PREX2: variants seen among roughly 807,000 people sequenced by gnomAD.
PREX2 encodes phosphatidylinositol 3,4,5-trisphosphate-dependent Rac exchanger 2 protein.
Under a neutral mutation model 203.2 loss-of-function variants are expected in PREX2, and 107 were observed. The ratio of observed to expected loss-of-function variants is 0.53; its 90% CI spans 0.45 to 0.62. The LOEUF is 0.62. Among genes scored for constraint, PREX2 ranks in the 20% least tolerant of loss-of-function variants. The pLI, the probability that PREX2 is intolerant of heterozygous loss-of-function variation, is 0.00. For missense variants in PREX2, 1,777 were observed against 1,955.9 expected (o/e 0.91, Z 1.72); for synonymous variants, 672 against 663.6 (o/e 1.01, Z -0.19).
chr8:68,222,280 T>C (rs1261531801), intron 38 of PREX2, among the ~76,000 whole-genome samples: 2 of 152,054 alleles, frequency 1.3e-5, no homozygotes, highest in Non-Finnish European at 2.9e-5. Context: ...CCTTGGAGAA[T>C]TGGTAAATTA....
chr8:68,018,983 A>G (rs1042624266), intron 2 of PREX2, among the ~76,000 whole-genome samples: 12 of 152,188 alleles, frequency 7.9e-5, no homozygotes, highest in African/African-American at 2.7e-4. Context: ...TCTTACTGAA[A>G]TTGAATTGAA....
chr8:68,075,179 G>A (rs1809309799), intron 14 of PREX2, among the ~76,000 whole-genome samples: 1 of 152,128 alleles, frequency 6.6e-6, no homozygotes, highest in Admixed American at 6.5e-5. Flanking sequence ...GGCACAAGGA[G>A]GATTTTAAAA....
chr8:67,985,628 T>G (rs1034133758), intron 1 of PREX2, among the ~76,000 whole-genome samples: 1 of 152,166 alleles, frequency 6.6e-6, no homozygotes, highest in Admixed American at 6.5e-5. Context: ...CTCTCATTGT[T>G]AAGTAGGGCA....
intron 6 of PREX2, among the ~76,000 whole-genome samples, chr8:68,036,759 G>A (rs985393905): frequency 1.3e-5 from 2 of 151,868 alleles, no homozygotes; most frequent in Non-Finnish European, 2.9e-5. Flanking sequence ...CTGCCTGACC[G>A]ACATGGAGAA....
intron 1 of PREX2, among the ~76,000 whole-genome samples, chr8:67,997,159 G>C (rs921608470): frequency 1.1e-4 from 17 of 151,990 alleles, no homozygotes; most frequent in Non-Finnish European, 2.2e-4. Flanking sequence ...CATTACTTTT[G>C]ATGGGAAAAA....
chr8:68,074,261 A>G (rs181902713), intron 14 of PREX2, among the ~76,000 whole-genome samples: 1 of 152,174 alleles, frequency 6.6e-6, no homozygotes, highest in Non-Finnish European at 1.5e-5. Context: ...TACCACGCCC[A>G]GCCGCAATTT....
In PREX2 at chr8:67,964,906, A is replaced by G. The variant is rs116760005; in HGVS notation, c.141+12371A>G. Among the ~76,000 whole-genome samples the G allele has an allele frequency of 6.2e-3, 937 of 152,262 alleles. 9 individuals are homozygous for G. The highest frequency in any genetic ancestry group is 0.022 in the African/African-American group (905 of 41,544). ...GGATTCTGAAAAGATCCACTGCAAAAGTTATATAGCTCTTCCAAGATGTTC... is the reference window on the plus strand; with the variant it reads ...GGATTCTGAAAAGATCCACTGCAAAGGTTATATAGCTCTTCCAAGATGTTC... On this transcript the variant is annotated intron_variant, in intron 1 of 39. Transcript: ENST00000288368.
chr8:67,977,653 G>C (rs1171798525), intron 1 of PREX2, among the ~76,000 whole-genome samples: 1 of 152,056 alleles, frequency 6.6e-6, no homozygotes, highest in African/African-American at 2.4e-5. Flanking sequence ...TAGAGGGTTG[G>C]GACTTTTCAG....
At chr8:68,096,881 G>T (rs922298546) in intron 21 of PREX2, 136 bp from the exon 22 acceptor site, 7 of 697,642 alleles carry the variant, frequency 1.0e-5, no homozygotes, top group Non-Finnish European at 1.4e-5. Context: ...AACAAGAATA[G>T]ATGCTTCATT....
chr8:68,228,618 T>C (rs1813098553), intron 39 of PREX2, among the ~76,000 whole-genome samples: 1 of 151,498 alleles, frequency 6.6e-6, no homozygotes, highest in African/African-American at 2.4e-5. Flanking sequence ...AAAAAAAAAT[T>C]AGCTGGGCAT....
chr8:68,120,225 G>T lies in PREX2; in HGVS notation c.3534G>T (p.Gly1178=), dbSNP rs150704622. The T allele has an allele frequency of 5.0e-6, 8 of 1,613,520 alleles. No homozygotes were observed. The Admixed American group carries it at 1.2e-4, about 24-fold the overall frequency. ...QVDSITNLLK[G]QAVVRAFDQT... ...ATTCAATTACCAATCTCCTAAAAGG[G>T]CAGGCTGTTGTGAGGGCCTTTGACC... The change falls in exon 29 of 40, where the codon GGG becomes GGT. Residue 1178 remains glycine (G), a synonymous_variant. Coordinates refer to ENST00000288368, the MANE Select transcript of PREX2 (RefSeq NM_024870.4).
At chr8:68,216,268 C>A (rs1027065349) in intron 37 of PREX2, among the ~76,000 whole-genome samples, 2 of 152,184 alleles carry the variant, frequency 1.3e-5, no homozygotes, top group African/African-American at 4.8e-5. Context: ...TGTGTTACAG[C>A]CACATAGCTA....
intron 35 of PREX2, among the ~76,000 whole-genome samples, chr8:68,168,931 C>G (rs1232387113): frequency 6.7e-6 from 1 of 149,314 alleles, no homozygotes; most frequent in African/African-American, 2.5e-5. Context: ...TAACTTACAA[C>G]AAACTCTTTA....
At chr8:67,995,543 C>T (rs377305487) in intron 1 of PREX2, among the ~76,000 whole-genome samples, 3 of 152,080 alleles carry the variant, frequency 2.0e-5, no homozygotes, top group Admixed American at 6.6e-5. Context: ...ACTATATTTA[C>T]GTTGAAAACT....
chr8:68,187,663 T>C (rs62522700), intron 35 of PREX2, among the ~76,000 whole-genome samples: 44 of 152,330 alleles, frequency 2.9e-4, no homozygotes, highest in Admixed American at 5.9e-4. Context: ...CCAAGTTTAC[T>C]TGAGAAAAGG....
rs78059728 is a variant in PREX2 at position 68,069,142 on chromosome 8, G to A, written c.1443+6G>A. Reference sequence around the variant, plus strand: ...TGCAGGACGTGATTTCAAAGGTAACGACCTCTCCCACAACCTCTCCAATAG... The same window carrying A: ...TGCAGGACGTGATTTCAAAGGTAACAACCTCTCCCACAACCTCTCCAATAG... On this transcript the variant is annotated splice_donor_region_variant and intron_variant, in intron 12 of 39. Transcript: ENST00000288368. 336 of 1,409,606 alleles carry A rather than the reference G, an allele frequency of 2.4e-4. 1 individual carries two copies. The East Asian group carries it at 5.9e-3, about 25-fold the overall frequency. The allele number at this position is 1,409,606 out of a possible 1,614,324, so 87.3% of individuals were successfully genotyped here.
intron 6 of PREX2, among the ~76,000 whole-genome samples, chr8:68,036,116 T>A (rs1041144240): frequency 6.6e-6 from 1 of 152,186 alleles, no homozygotes; most frequent in Non-Finnish European, 1.5e-5. Context: ...ATAGAATAGG[T>A]CTGTATATTA....
rs117197519 is a variant in PREX2, at chr8:68,114,295, G to A, written c.3147-1458G>A. 1.9e-3 allele frequency: 981 copies of A among 509,416 alleles called. 27 individuals carry two copies. In the East Asian group the frequency reaches 0.045, roughly 24 times the overall value. The allele number at this position is 509,416 out of a possible 1,614,324, so 31.6% of individuals were successfully genotyped here. ...TTGGGTTTGACATTATGGAATATGCGTAAGAGGTATAAGATATCGTCACCG... is the reference window on the plus strand; with the variant it reads ...TTGGGTTTGACATTATGGAATATGCATAAGAGGTATAAGATATCGTCACCG... On this transcript the variant is annotated intron_variant, in intron 25 of 39. Coordinates refer to ENST00000288368, the MANE Select transcript of PREX2 (RefSeq NM_024870.4).
chr8:68,022,802 G>A (rs552866549), intron 4 of PREX2, among the ~76,000 whole-genome samples: 22 of 152,126 alleles, frequency 1.4e-4, no homozygotes, highest in Admixed American at 4.6e-4. Context: ...TGTACCCACC[G>A]TTAGCACCAG....
Sources: allele counts gnomAD v4.1 joint callset (sites outside exome capture counted in the v4.1 genomes callset), GRCh38; gene constraint gnomAD v4.1.1; transcripts MANE v1.5; gene names NCBI Gene and HGNC (gene_info 2026-07-23, HGNC 2026-07-21).